The following RBMS3 variants were observed in gnomAD, a reference collection of about 807,000 sequenced individuals.
RBMS3 encodes the protein RNA binding motif single stranded interacting protein 3, also known as RNA-binding motif, single-stranded-interacting protein 3.
In RBMS3, 27 loss-of-function variants were observed where a neutral mutation model predicts 66.8. The ratio of observed to expected loss-of-function variants is 0.40; its 90% CI spans 0.30 to 0.56. The LOEUF (loss-of-function observed/expected upper bound fraction) is 0.56, where lower values mean the gene tolerates loss of function less well. Ranked by LOEUF, RBMS3 falls within the 20% of genes least tolerant of loss-of-function variation. The pLI is 0.40. For synonymous variants in RBMS3, 188 were observed against 183.0 expected, an observed-to-expected ratio of 1.03 and a Z score of -0.22; for missense variants, 513 against 549.5, an observed-to-expected ratio of 0.93 and a Z score of 0.66.
intron 6 of RBMS3, among the ~76,000 whole-genome samples, chr3:29,783,836 G>T (rs1248481976): frequency 6.6e-6 from 1 of 151,982 alleles, no homozygotes; most frequent in African/African-American, 2.4e-5. Flanking sequence ...TAAACTTAAG[G>T]TAAAGGGATG....
At chr3:29,585,271 G>A (rs1419095119) in intron 3 of RBMS3, among the ~76,000 whole-genome samples, 3 of 152,098 alleles carry the variant, frequency 2.0e-5, no homozygotes, top group Non-Finnish European at 4.4e-5. Context: ...ACAAATGTAC[G>A]ATTAAATGAG....
intron 4 of RBMS3, among the ~76,000 whole-genome samples, chr3:29,688,773 G>A (rs2149270148): frequency 6.6e-6 from 1 of 151,770 alleles, no homozygotes; most frequent in African/African-American, 2.4e-5. Context: ...AGTATAGACA[G>A]GGTTTCACTC....
intron 4 of RBMS3, chr3:29,616,780 T>C (rs139839342): frequency 1.3e-5 from 2 of 152,230 alleles, no homozygotes; most frequent in South Asian, 2.1e-4. Flanking sequence ...AAATAGAATA[T>C]GTTTCATCAA....
intron 1 of RBMS3, among the ~76,000 whole-genome samples, chr3:29,343,383 A>G (rs942550361): frequency 6.6e-6 from 1 of 152,178 alleles, no homozygotes; most frequent in African/African-American, 2.4e-5. Flanking sequence ...TTGACAAAGA[A>G]GAACAATGCA....
At chr3:29,625,202 C>T (rs1302048536) in intron 4 of RBMS3, among the ~76,000 whole-genome samples, 1 of 152,112 alleles carries the variant, frequency 6.6e-6, no homozygotes, top group Non-Finnish European at 1.5e-5. Context: ...TCAGGTAGTT[C>T]TCTATAGTAG....
At chr3:29,442,633 T>C (rs1396488079) in intron 2 of RBMS3, among the ~76,000 whole-genome samples, 1 of 152,170 alleles carries the variant, frequency 6.6e-6, no homozygotes, top group African/African-American at 2.4e-5. Flanking sequence ...GATCTCATGC[T>C]GAATGCCTGA....
intron 1 of RBMS3, among the ~76,000 whole-genome samples, chr3:29,355,096 A>G (rs973719608): frequency 1.3e-5 from 2 of 152,048 alleles, no homozygotes; most frequent in African/African-American, 2.4e-5. Context: ...CTGTAATACT[A>G]TCTCATTCAT....
intron 5 of RBMS3, among the ~76,000 whole-genome samples, chr3:29,757,553 T>G (rs1207489325): frequency 2.0e-5 from 3 of 152,184 alleles, no homozygotes; most frequent in African/African-American, 7.2e-5. Flanking sequence ...CTGGGTAGCT[T>G]TGAAATCTTT....
chr3:29,860,386 C>T (rs2059183011), intron 6 of RBMS3, among the ~76,000 whole-genome samples: 1 of 152,128 alleles, frequency 6.6e-6, no homozygotes, highest in South Asian at 2.1e-4. Context: ...GAGTAAGTGA[C>T]CGTTGACTTG....
chr3:29,776,575 A>T (rs1008250475), intron 6 of RBMS3, among the ~76,000 whole-genome samples: 1 of 152,030 alleles, frequency 6.6e-6, no homozygotes, highest in Admixed American at 6.6e-5. Flanking sequence ...GTGTTTCTAG[A>T]ATTAACTGAG....
intron 1 of RBMS3, among the ~76,000 whole-genome samples, chr3:29,321,298 T>G (rs2034995118): frequency 1.3e-5 from 2 of 152,266 alleles, no homozygotes; most frequent in Admixed American, 1.3e-4. Flanking sequence ...TATTACCTGG[T>G]GAAAAATAAA....
At chr3:29,393,340 C>A (rs1317493220) in intron 1 of RBMS3, among the ~76,000 whole-genome samples, 1 of 152,070 alleles carries the variant, frequency 6.6e-6, no homozygotes. Flanking sequence ...AGGAATGAGG[C>A]TTTTGAAATT....
intron 6 of RBMS3, among the ~76,000 whole-genome samples, chr3:29,805,061 G>C (rs2057504960): frequency 6.6e-6 from 1 of 151,906 alleles, no homozygotes; most frequent in Non-Finnish European, 1.5e-5. Context: ...TTCTGTGTTT[G>C]AATAAGGTTA....
chr3:29,692,128 C>G (rs1298647607), intron 4 of RBMS3, among the ~76,000 whole-genome samples: 1 of 151,418 alleles, frequency 6.6e-6, no homozygotes, highest in Non-Finnish European at 1.5e-5. Context: ...ATTACAGATG[C>G]CTGCCACTAT....
At chr3:29,288,056 TAATA>T (rs927288661) in intron 1 of RBMS3, among the ~76,000 whole-genome samples, 13 of 152,088 alleles carry the variant, frequency 8.5e-5, no homozygotes, top group Admixed American at 7.9e-4. Context: ...AACCAATTCC[TAATA>T]AATATCAAAT....
intron 14 of RBMS3, among the ~76,000 whole-genome samples, chr3:29,996,414 G>T (rs12054072): frequency 6.7e-6 from 1 of 148,958 alleles, no homozygotes; most frequent in African/African-American, 2.5e-5. Flanking sequence ...TGCACCAAGC[G>T]GACCTAATAG....
chr3:29,477,067 C>G (rs2042972140), intron 2 of RBMS3, among the ~76,000 whole-genome samples: 1 of 152,012 alleles, frequency 6.6e-6, no homozygotes, highest in Non-Finnish European at 1.5e-5. Flanking sequence ...CGGAATTTCT[C>G]TTTTAGCATT....
chr3:29,472,749 G>A lies in RBMS3; in HGVS notation c.249-15692G>A, dbSNP rs559233863. Among the ~76,000 whole-genome samples, 36 of 152,148 alleles carry A rather than the reference G, an allele frequency of 2.4e-4. No homozygotes were observed. The South Asian group carries it at 3.1e-3, about 13-fold the overall frequency. ...CAGGAGTGAAGCTGCAGACCTTCGC[G>A]GTGAGTGTTACAGCTCATAAAGGCA... On this transcript the variant is annotated intron_variant, in intron 2 of 14. Transcript: ENST00000383767.
chr3:29,776,440 C>T (rs1044974195), intron 6 of RBMS3, among the ~76,000 whole-genome samples: 2 of 151,946 alleles, frequency 1.3e-5, no homozygotes, highest in Non-Finnish European at 2.9e-5. Context: ...AATGCTATCC[C>T]TCCAACATGG....
Sources: gnomAD v4.1 joint callset for allele counts (sites outside exome capture counted in the v4.1 genomes callset) on GRCh38, gnomAD v4.1.1 for gene constraint, MANE v1.5 for transcripts, NCBI Gene and HGNC (gene_info 2026-07-23, HGNC 2026-07-21) for gene names.